Variants in ANOS1 observed in about 807,000 individuals in gnomAD.
ANOS1 encodes the protein anosmin-1.
In ANOS1, 6 loss-of-function variants were observed where a neutral mutation model predicts 59.0. The observed-to-expected ratio is 0.10, with a 90% CI of 0.06 to 0.20. The LOEUF (loss-of-function observed/expected upper bound fraction) is 0.20. ANOS1 is among the 10% of genes least tolerant of loss of function. The probability of loss-of-function intolerance (pLI) is 1.00; values close to 1 mark genes in which losing one functional copy is unlikely to be tolerated. For synonymous variants in ANOS1, 217 were observed against 223.4 expected (o/e 0.97, Z 0.25); for missense variants, 433 against 542.3 (o/e 0.80, Z 2.00).
At chrX:8,728,499 C>A (rs1419509391) in intron 1 of ANOS1, among the ~76,000 whole-genome samples, 1 of 111,644 alleles carries the variant, frequency 9.0e-6, no homozygotes, top group Non-Finnish European at 1.9e-5. Context: ...TACCCATTCG[C>A]GACGCTACAG....
chrX:8,723,275 C>T (rs1174610423), intron 1 of ANOS1, among the ~76,000 whole-genome samples: 2 of 112,455 alleles, frequency 1.8e-5, no homozygotes, highest in African/African-American at 3.2e-5. Context: ...AACAGACAAC[C>T]CACAAAGTGG....
chrX:8,541,903 G>A (rs1601947102), intron 9 of ANOS1, among the ~76,000 whole-genome samples: 1 of 72,922 alleles, frequency 1.4e-5, no homozygotes, highest in Non-Finnish European at 2.6e-5. Flanking sequence ...CAGGGGACTT[G>A]GGGTGGCTAC....
chrX:8,536,865 A>T lies in ANOS1; in HGVS notation c.1527T>A (p.Ser509Arg). 2 of 1,207,234 alleles carry T rather than the reference A, an allele frequency of 1.7e-6. No homozygotes were observed. Among genetic ancestry groups the T allele is most frequent in the Admixed American group, 2.2e-5 (1 of 46,002 alleles). ...AGAAAACAGCTTCTGCCTTGGAGTG[A>T]CTTTTTGGCCGTATTGGTTGGACAG... ...KVTVQPIRPK[S>R]HSKAEAVFFT... The change falls in exon 11 of 14, where the codon AGT becomes AGA. Residue 509 changes from serine to arginine, a missense_variant. Transcript: ENST00000262648.
intron 4 of ANOS1, 21 bp downstream of exon 4, chrX:8,597,013 A>AC: frequency 8.3e-7 from 1 of 1,211,031 alleles, no homozygotes; most frequent in African/African-American, 1.7e-5. Context: ...GTGTCTTCAC[A>AC]CCCCCAGTGC....
At chrX:8,670,718 G>A (rs1274685227) in intron 2 of ANOS1, among the ~76,000 whole-genome samples, 1 of 111,554 alleles carries the variant, frequency 9.0e-6, no homozygotes, top group Non-Finnish European at 1.9e-5. Context: ...ATGTCCACCT[G>A]CCTGTTTAGT....
At chrX:8,630,904 T>C (rs1357668829) in intron 2 of ANOS1, among the ~76,000 whole-genome samples, 2 of 112,556 alleles carry the variant, frequency 1.8e-5, no homozygotes, top group Non-Finnish European at 3.8e-5. Flanking sequence ...TCAGAGGACA[T>C]TGGGTGAAAG....
chrX:8,625,767 A>C (rs187784633), intron 2 of ANOS1, among the ~76,000 whole-genome samples: 1 of 111,319 alleles, frequency 9.0e-6, no homozygotes, highest in East Asian at 2.8e-4. Context: ...GGGTCCAGGA[A>C]TCTATTTTAA....
chrX:8,704,167 G>A (rs1602034340), intron 1 of ANOS1, among the ~76,000 whole-genome samples: 1 of 111,737 alleles, frequency 8.9e-6, no homozygotes. Context: ...ATGATTGTGA[G>A]GCCTCCCCAG....
intron 2 of ANOS1, among the ~76,000 whole-genome samples, chrX:8,670,135 G>A (rs771950895): frequency 6.1e-4 from 67 of 108,990 alleles, no homozygotes; most frequent in African/African-American, 1.7e-3. Context: ...TAAATCTGTG[G>A]AGTAAAAAAA....
At chrX:8,674,686 G>A (rs761632098) in intron 2 of ANOS1, among the ~76,000 whole-genome samples, 7 of 112,418 alleles carry the variant, frequency 6.2e-5, no homozygotes, top group Non-Finnish European at 1.1e-4. Context: ...GGCCTCATGC[G>A]GCCCAAGGGC....
chrX:8,652,317 C>T (rs780935128), intron 2 of ANOS1, among the ~76,000 whole-genome samples: 1 of 111,253 alleles, frequency 9.0e-6, no homozygotes, highest in African/African-American at 3.3e-5. Flanking sequence ...CAACATGATA[C>T]ACATATTCAT....
intron 2 of ANOS1, among the ~76,000 whole-genome samples, chrX:8,678,993 G>A (rs898843580): frequency 9.0e-6 from 1 of 111,351 alleles, no homozygotes; most frequent in Non-Finnish European, 1.9e-5. Flanking sequence ...CAAACTCCAC[G>A]GCTCATATAA....
intron 4 of ANOS1, among the ~76,000 whole-genome samples, chrX:8,590,323 AC>A (rs1401431493): frequency 2.7e-5 from 3 of 110,209 alleles, no homozygotes; most frequent in Non-Finnish European, 5.7e-5. Flanking sequence ...CCTTAATAAT[AC>A]CATGGCCTGT....
chrX:8,726,863 T>C (rs1036411211), intron 1 of ANOS1, among the ~76,000 whole-genome samples: 2 of 112,050 alleles, frequency 1.8e-5, no homozygotes, highest in African/African-American at 6.5e-5. Flanking sequence ...CCTTCTTCTT[T>C]AATCTTCTAG....
chrX:8,594,701 C>CATAT (rs766705328), intron 4 of ANOS1, among the ~76,000 whole-genome samples: 3 of 46,714 alleles, frequency 6.4e-5, no homozygotes, highest in African/African-American at 1.7e-4. Context: ...TATATATACA[C>CATAT]ATATATATAC....
intron 2 of ANOS1, among the ~76,000 whole-genome samples, chrX:8,633,346 C>A (rs1931521219): frequency 9.0e-6 from 1 of 111,695 alleles, no homozygotes. Flanking sequence ...TGTTTAGAAA[C>A]TACATAAGTA....
At chrX:8,592,627 C>T (rs1930641308) in intron 4 of ANOS1, among the ~76,000 whole-genome samples, 1 of 110,996 alleles carries the variant, frequency 9.0e-6, no homozygotes, top group Non-Finnish European at 1.9e-5. Flanking sequence ...GATTGTCTCA[C>T]CAAGCCATAA....
chrX:8,647,079 T>C (rs770432689), intron 2 of ANOS1, among the ~76,000 whole-genome samples: 4 of 110,674 alleles, frequency 3.6e-5, no homozygotes, highest in Non-Finnish European at 7.6e-5. Context: ...AAATGTACTA[T>C]TCATCTTGTA....
At chrX:8,554,756 T>C (rs777116521) in intron 8 of ANOS1, among the ~76,000 whole-genome samples, 1 of 108,502 alleles carries the variant, frequency 9.2e-6, no homozygotes, top group Admixed American at 1.0e-4. Context: ...ACAAAGACAC[T>C]TAGACTCCCA....
Sources: gnomAD v4.1 joint callset for allele counts (sites outside exome capture counted in the v4.1 genomes callset) on GRCh38, gnomAD v4.1.1 for gene constraint, MANE v1.5 for transcripts, NCBI Gene and HGNC (gene_info 2026-07-23, HGNC 2026-07-21) for gene names.